RDH8: variants seen among roughly 807,000 people sequenced by gnomAD.
RDH8 encodes the protein retinol dehydrogenase 8, also known as photoreceptor outer segment all-trans retinol dehydrogenase.
In RDH8, 14 loss-of-function variants were observed where a neutral mutation model predicts 22.3. That is an observed-to-expected ratio of 0.63 (90% CI 0.42 to 0.98). The LOEUF is 0.98. Ranked by LOEUF, RDH8 falls within the 50% of genes least tolerant of loss-of-function variation. RDH8 has a pLI of 0.00. For synonymous variants in RDH8, 175 were observed against 171.7 expected (o/e 1.02, Z -0.15); for missense variants, 389 against 409.8 (o/e 0.95, Z 0.44).
intron 1 of RDH8, among the ~76,000 whole-genome samples, chr19:10,014,451 A>G (rs138808699): frequency 9.6e-4 from 146 of 152,308 alleles, no homozygotes; most frequent in African/African-American, 3.2e-3. Context: ...ACCAAGCTGC[A>G]TTCTAAGTGC....
chr19:10,013,721 A>G, intron 1 of RDH8, 121 bp downstream of exon 1: 2 of 958,242 alleles, frequency 2.1e-6, no homozygotes, highest in Non-Finnish European at 3.2e-6. Context: ...GATTCCCTCC[A>G]GGAATCATCC....
At chr19:10,015,643 G>A (rs752788265) in intron 1 of RDH8, among the ~76,000 whole-genome samples, 3 of 144,356 alleles carry the variant, frequency 2.1e-5, no homozygotes, top group Non-Finnish European at 4.6e-5. Flanking sequence ...AAAAAAAAAA[G>A]GGCATAAAAG....
At chr19:10,019,519 C>T (rs1164489001) in intron 3 of RDH8, among the ~76,000 whole-genome samples, 1 of 151,980 alleles carries the variant, frequency 6.6e-6, no homozygotes, top group South Asian at 2.1e-4. Flanking sequence ...TAGAATTGGG[C>T]CAGGCACGGT....
chr19:10,021,485 G>C (rs760451458), intron 5 of RDH8, 47 bp downstream of exon 5: 1 of 1,613,666 alleles, frequency 6.2e-7, no homozygotes, highest in African/African-American at 1.3e-5. Flanking sequence ...GGTATGTTGC[G>C]GGGTGAGGCC....
At chr19:10,017,689 C>T (rs572947616) in intron 2 of RDH8, among the ~76,000 whole-genome samples, 5 of 152,224 alleles carry the variant, frequency 3.3e-5, no homozygotes, top group African/African-American at 1.2e-4. Context: ...GCTCTGCGCC[C>T]AGGCTGGAGT....
Position 10,018,750 on chromosome 19 carries a change from C to G in RDH8, c.282C>G (p.Gly94=). ...TCTTAGTGAATAATGCTGGAATGGG[C>G]CTGGTGGGGCCCCTGGAGGGGCTCA... is the stretch of plus-strand genomic sequence containing the variant. ...VDVLVNNAGM[G]LVGPLEGLSL... Residue 94 remains glycine (G), a synonymous_variant, in exon 3 of 6, where the codon GGC becomes GGG. Transcript: ENST00000591589. The G allele has an allele frequency of 6.2e-7, 1 of 1,609,976 alleles. No homozygotes were observed. Among genetic ancestry groups the G allele is most frequent in the African/African-American group, 1.3e-5 (1 of 74,938 alleles).
intron 3 of RDH8, among the ~76,000 whole-genome samples, chr19:10,020,464 G>A (rs558961260): frequency 6.6e-6 from 1 of 151,920 alleles, no homozygotes; most frequent in South Asian, 2.1e-4. Context: ...GAGGGAAATA[G>A]GGGAGTTTCC....
Position 10,021,761 on chromosome 19 carries a change from C to A in RDH8, c.*12C>A, listed in dbSNP as rs1300314633. The A allele has an allele frequency of 1.9e-6, 3 of 1,610,982 alleles. No homozygotes were observed. The highest frequency in any genetic ancestry group is 2.5e-6 in the Non-Finnish European group (3 of 1,178,550). The stretch of plus-strand genomic sequence containing the variant: ...TGCGGCCAAGATGAGCAGAACAGAG[C>A]TTCACGATCCCCATCCCTGAACAAC... On this transcript the variant is annotated 3_prime_UTR_variant, in exon 6 of 6. Coordinates refer to ENST00000591589, the MANE Select transcript of RDH8 (RefSeq NM_015725.4).
chr19:10,016,514 G>A (rs1644724), intron 1 of RDH8, among the ~76,000 whole-genome samples: 26,106 of 151,390 alleles, frequency 0.17, 2,500 homozygotes, highest in East Asian at 0.37. Flanking sequence ...AGACGGTAGT[G>A]CAGTGGCTCC....
chr19:10,016,596 G>A (rs1033827655), intron 1 of RDH8, among the ~76,000 whole-genome samples: 1 of 152,022 alleles, frequency 6.6e-6, no homozygotes, highest in Admixed American at 6.6e-5. Flanking sequence ...AAGTAGCCAG[G>A]ACTACAGGTG....
At chr19:10,021,467 G>A (rs772982654) in intron 5 of RDH8, 29 bp downstream of exon 5, 12 of 1,613,968 alleles carry the variant, frequency 7.4e-6, no homozygotes, top group East Asian at 2.2e-5. Flanking sequence ...GCCCCAAGAC[G>A]TGGCTCAGGT....
intron 4 of RDH8, 72 bp from the exon 5 acceptor site, chr19:10,021,183 A>G: frequency 6.7e-7 from 1 of 1,489,438 alleles, no homozygotes; most frequent in Non-Finnish European, 9.1e-7. Flanking sequence ...CTTAAAAAAA[A>G]AAAAAAATGG....
chr19:10,013,792 T>C (rs941519296), intron 1 of RDH8, among the ~76,000 whole-genome samples, 192 bp downstream of exon 1: 1 of 152,044 alleles, frequency 6.6e-6, no homozygotes, highest in Admixed American at 6.6e-5. Flanking sequence ...GCAACACAAC[T>C]GGAGATGAAA....
chr19:10,020,276 T>C (rs966645097), intron 3 of RDH8, among the ~76,000 whole-genome samples: 19 of 140,878 alleles, frequency 1.3e-4, no homozygotes, highest in Non-Finnish European at 2.6e-4. Flanking sequence ...CACCCCAGAC[T>C]GCAGAACAGA....
Position 10,021,773 on chromosome 19 carries a change from C to T in RDH8, c.*24C>T. On this transcript the variant is annotated 3_prime_UTR_variant, in exon 6 of 6. Coordinates refer to ENST00000591589, the MANE Select transcript of RDH8 (RefSeq NM_015725.4). Reference sequence around the variant, plus strand: ...GAGCAGAACAGAGCTTCACGATCCCCATCCCTGAACAACCAGACCTCTTCA... The same window carrying T: ...GAGCAGAACAGAGCTTCACGATCCCTATCCCTGAACAACCAGACCTCTTCA... 1 of 1,602,914 alleles carries T rather than the reference C, an allele frequency of 6.2e-7. No individual in the cohort carries two copies. The highest frequency in any genetic ancestry group is 8.5e-7 in the Non-Finnish European group (1 of 1,172,504).
At chr19:10,021,176 A>G (rs2255079) in intron 4 of RDH8, 79 bp from the exon 5 acceptor site, 1 of 698,266 alleles carries the variant, frequency 1.4e-6, no homozygotes, top group Non-Finnish European at 2.1e-6. Context: ...CCTGTATCTT[A>G]AAAAAAAAAA....
chr19:10,018,934 G>C, intron 3 of RDH8, 24 bp downstream of exon 3: 2 of 1,572,090 alleles, frequency 1.3e-6, no homozygotes, highest in South Asian at 2.3e-5. Flanking sequence ...ACCCAACCCT[G>C]GAAATCCCAC....
chr19:10,015,210 G>A (rs139918896), intron 1 of RDH8, among the ~76,000 whole-genome samples: 2 of 152,286 alleles, frequency 1.3e-5, no homozygotes, highest in African/African-American at 4.8e-5. Flanking sequence ...TCAGCACTTT[G>A]GGAGGCCTAG....
At chr19:10,019,418 G>T (rs1363739970) in intron 3 of RDH8, among the ~76,000 whole-genome samples, 1 of 152,098 alleles carries the variant, frequency 6.6e-6, no homozygotes, top group East Asian at 1.9e-4. Context: ...CCAGCACTTT[G>T]CGTGGCCTAG....
Sources: allele counts gnomAD v4.1 joint callset (sites outside exome capture counted in the v4.1 genomes callset), GRCh38; gene constraint gnomAD v4.1.1; transcripts MANE v1.5; gene names NCBI Gene and HGNC (gene_info 2026-07-23, HGNC 2026-07-21).